Variants in TMEM117 observed in about 807,000 individuals in gnomAD.
The protein encoded by TMEM117 is transmembrane protein 117.
Under a neutral mutation model 52.4 loss-of-function variants are expected in TMEM117, and 27 were observed. The observed-to-expected ratio is 0.51, with a 90% CI of 0.38 to 0.71. TMEM117 has a LOEUF of 0.71. TMEM117 is among the 30% of genes least tolerant of loss of function. TMEM117 has a pLI of 0.00. For missense variants in TMEM117, 556 were observed against 630.5 expected, an observed-to-expected ratio of 0.88 and a Z score of 1.26; for synonymous variants, 215 against 206.3, an observed-to-expected ratio of 1.04 and a Z score of -0.36.
chr12:43,998,884 G>T (rs1044094297), intron 3 of TMEM117, among the ~76,000 whole-genome samples: 1 of 152,128 alleles, frequency 6.6e-6, no homozygotes, highest in African/African-American at 2.4e-5. Flanking sequence ...TAGAAATATG[G>T]TCAAGAGACT....
chr12:43,806,458 C>T, the TMEM117 span: 7 of 1,014,200 alleles, frequency 6.9e-6, no homozygotes, highest in South Asian at 9.5e-5. Context: ...CCCCCGGCCT[C>T]GCTATCCTAG....
chr12:44,103,207 T>C (rs1308348228), intron 3 of TMEM117, among the ~76,000 whole-genome samples: 2 of 151,888 alleles, frequency 1.3e-5, no homozygotes, highest in Non-Finnish European at 1.5e-5. Flanking sequence ...TTCTGCACTT[T>C]TCTCAGCATA....
At chr12:44,026,070 TTTG>T (rs1946528992) in intron 3 of TMEM117, among the ~76,000 whole-genome samples, 1 of 152,160 alleles carries the variant, frequency 6.6e-6, no homozygotes, top group Non-Finnish European at 1.5e-5. Flanking sequence ...TACTGACTGG[TTTG>T]TGGCTATAGC....
intron 2 of TMEM117, among the ~76,000 whole-genome samples, chr12:43,847,065 G>A (rs1421230732): frequency 6.6e-6 from 1 of 152,178 alleles, no homozygotes; most frequent in Non-Finnish European, 1.5e-5. Context: ...AAAAATGGAA[G>A]AAGGGCCAAG....
chr12:44,383,152 A>G (rs1952043224), intron 7 of TMEM117, among the ~76,000 whole-genome samples: 1 of 152,196 alleles, frequency 6.6e-6, no homozygotes, highest in Admixed American at 6.5e-5. Context: ...AATCGCACCC[A>G]TGTGGTAGAG....
chr12:44,051,483 T>C (rs534424026), intron 3 of TMEM117, among the ~76,000 whole-genome samples: 1 of 152,310 alleles, frequency 6.6e-6, no homozygotes, highest in East Asian at 1.9e-4. Context: ...TAAAAATTAT[T>C]GTGAAACTAG....
chr12:44,324,856 T>A (rs1026717267), intron 6 of TMEM117, among the ~76,000 whole-genome samples: 1 of 152,182 alleles, frequency 6.6e-6, no homozygotes, highest in Non-Finnish European at 1.5e-5. Context: ...AATATTTGTT[T>A]CCATTTTATT....
At chr12:44,128,868 T>C (rs1206293514) in intron 3 of TMEM117, among the ~76,000 whole-genome samples, 1 of 152,210 alleles carries the variant, frequency 6.6e-6, no homozygotes, top group African/African-American at 2.4e-5. Flanking sequence ...CTTGAAGTCT[T>C]ACCTGCATTC....
chr12:44,312,403 C>A (rs963547231), intron 6 of TMEM117, among the ~76,000 whole-genome samples: 1 of 152,012 alleles, frequency 6.6e-6, no homozygotes, highest in Non-Finnish European at 1.5e-5. Context: ...AGGATGACGG[C>A]CTTCAGATGA....
intron 2 of TMEM117, among the ~76,000 whole-genome samples, chr12:43,914,056 A>G (rs1413653510): frequency 6.6e-6 from 1 of 152,152 alleles, no homozygotes; most frequent in Non-Finnish European, 1.5e-5. Flanking sequence ...CCTCTGGTGC[A>G]TCTGAGGGCA....
intron 3 of TMEM117, among the ~76,000 whole-genome samples, chr12:43,995,663 C>T (rs775780655): frequency 6.6e-6 from 1 of 152,146 alleles, no homozygotes; most frequent in Non-Finnish European, 1.5e-5. Flanking sequence ...AATATGTAGT[C>T]TTTCATCTCT....
At chr12:44,146,160 T>C (rs1274109769) in intron 4 of TMEM117, among the ~76,000 whole-genome samples, 2 of 152,234 alleles carry the variant, frequency 1.3e-5, no homozygotes, top group Non-Finnish European at 1.5e-5. Flanking sequence ...ATTTCTATTC[T>C]GCACTTGTCT....
intron 2 of TMEM117, among the ~76,000 whole-genome samples, chr12:43,875,082 A>G (rs1943770892): frequency 6.6e-6 from 1 of 152,202 alleles, no homozygotes; most frequent in African/African-American, 2.4e-5. Flanking sequence ...TATAATTTTG[A>G]GCTGCAAGTA....
chr12:44,193,827 C>T (rs957898585), intron 4 of TMEM117, among the ~76,000 whole-genome samples: 1 of 152,040 alleles, frequency 6.6e-6, no homozygotes, highest in African/African-American at 2.4e-5. Flanking sequence ...CTTCACAGAA[C>T]GAAGCAAAAA....
At chr12:43,806,055 C>T in the TMEM117 span, 16 of 1,518,616 alleles carry the variant, frequency 1.1e-5, no homozygotes, top group Non-Finnish European at 1.4e-5. Context: ...AGGCCGGCAG[C>T]GCCCGGGAAG....
chr12:44,236,157 G>A (rs1184195084), intron 5 of TMEM117, among the ~76,000 whole-genome samples: 1 of 148,892 alleles, frequency 6.7e-6, no homozygotes, highest in Non-Finnish European at 1.5e-5. Context: ...TTTTAGAAAT[G>A]TTTTAGTTTC....
intron 3 of TMEM117, among the ~76,000 whole-genome samples, chr12:43,961,596 A>G (rs1473015745): frequency 6.6e-6 from 1 of 152,326 alleles, no homozygotes; most frequent in East Asian, 1.9e-4. Context: ...ATTAAAATCT[A>G]TAATATTTCA....
chr12:43,877,314 AT>A (rs1362338905), intron 2 of TMEM117, among the ~76,000 whole-genome samples: 1 of 152,168 alleles, frequency 6.6e-6, no homozygotes, highest in East Asian at 1.9e-4. Flanking sequence ...TGACCCACTA[AT>A]TGAGAGAATC....
intron 4 of TMEM117, among the ~76,000 whole-genome samples, chr12:44,205,184 G>C (rs760235470): frequency 6.6e-6 from 1 of 152,140 alleles, no homozygotes; most frequent in African/African-American, 2.4e-5. Context: ...CACATGTCAA[G>C]GGAGGTGCCA....
Sources: gnomAD v4.1 joint callset for allele counts (sites outside exome capture counted in the v4.1 genomes callset) on GRCh38, gnomAD v4.1.1 for gene constraint, MANE v1.5 for transcripts, NCBI Gene and HGNC (gene_info 2026-07-23, HGNC 2026-07-21) for gene names.